DFFB: variants seen among roughly 807,000 people sequenced by gnomAD.
The protein encoded by DFFB is DNA fragmentation factor subunit beta, also known as DNA fragmentation factor 40 kDa subunit.
A neutral mutation model predicts 32.7 loss-of-function variants in DFFB; 29 were observed. The observed-to-expected ratio is 0.89, with a 90% CI of 0.66 to 1.21. DFFB has a LOEUF of 1.21. Among genes scored for constraint, DFFB ranks in the 50% most tolerant of loss-of-function variants. The pLI, the probability that DFFB is intolerant of heterozygous loss-of-function variation, is 0.00. For synonymous variants in DFFB, 170 were observed against 177.1 expected (o/e 0.96, Z 0.32); for missense variants, 398 against 440.6 (o/e 0.90, Z 0.87).
chr1:3,876,552 G>A (rs189674431), intron 6 of DFFB, among the ~76,000 whole-genome samples: 16 of 152,358 alleles, frequency 1.1e-4, no homozygotes, highest in Middle Eastern at 3.4e-3. Flanking sequence ...CTGTCCTGAC[G>A]TTTGTGGGGG....
rs184687474 is a variant in DFFB, at chr1:3,878,989, T to C, written c.783-4518T>C. ...TTCCACTCTTGAGTAATTATTTAGT[T>C]AGTACTGAATTCTAGGATGACAGAT... On this transcript the variant is annotated intron_variant, in intron 6 of 6. Coordinates refer to ENST00000378209, the MANE Select transcript of DFFB (RefSeq NM_004402.4). Among the ~76,000 whole-genome samples the C allele has an allele frequency of 6.0e-3, 920 of 152,348 alleles. 7 individuals are homozygous for C. Among genetic ancestry groups the C allele is most frequent in the African/African-American group, 0.021 (876 of 41,568 alleles).
At position 3,865,905 on chromosome 1, in the gene DFFB, C is replaced by A. The variant is rs746930748; in HGVS notation, c.335C>A (p.Ala112Asp). The change falls in exon 3 of 7, where the codon GCC (alanine) becomes GAC (aspartate). Residue 112 changes from alanine (A) to aspartate (D), a missense_variant. Coordinates refer to ENST00000378209, the MANE Select transcript of DFFB (RefSeq NM_004402.4). This position sits in a 1 kb window ranked among gnomAD's most constrained non-coding sequence, Gnocchi z 4.7. ...CAGCAGCTGCTGTGTGATGAGCAGG[C>A]CCCACAGAGGCAGAGGCTGCTGGCT... ...AAQQLLCDEQ[A>D]PQRQRLLADL... 45 of 1,613,094 alleles carry A rather than the reference C, an allele frequency of 2.8e-5. 1 individual carries two copies. The South Asian group carries it at 4.6e-4, about 17-fold the overall frequency.
intron 3 of DFFB, among the ~76,000 whole-genome samples, chr1:3,867,478 C>T (rs1236199711): frequency 6.6e-6 from 1 of 152,218 alleles, no homozygotes. Flanking sequence ...GGCAGAAGCT[C>T]CTTGGTGGTA....
chr1:3,870,777 G>T (rs1645096480), intron 5 of DFFB, among the ~76,000 whole-genome samples: 1 of 152,138 alleles, frequency 6.6e-6, no homozygotes, highest in East Asian at 1.9e-4. Flanking sequence ...CTGATAGGTG[G>T]GGGTGCAAGA....
At chr1:3,881,423 C>T (rs563877786) in intron 6 of DFFB, among the ~76,000 whole-genome samples, 3 of 152,222 alleles carry the variant, frequency 2.0e-5, no homozygotes, top group Admixed American at 6.5e-5. Context: ...GCAGGGGTCT[C>T]GGTCCCACCT....
intron 4 of DFFB, 118 bp downstream of exon 4, chr1:3,868,171 T>A: frequency 3.3e-6 from 3 of 908,034 alleles, no homozygotes; most frequent in Non-Finnish European, 5.5e-6. Flanking sequence ...CGTGCTTGCG[T>A]GGATCTGGTG....
At chr1:3,871,593 G>A (rs1306733968) in intron 5 of DFFB, among the ~76,000 whole-genome samples, 1 of 152,190 alleles carries the variant, frequency 6.6e-6, no homozygotes, top group Non-Finnish European at 1.5e-5. Context: ...CCCGGCCAAG[G>A]CAGAACTCTG....
chr1:3,879,250 T>C (rs1048224575), intron 6 of DFFB, among the ~76,000 whole-genome samples: 1 of 152,204 alleles, frequency 6.6e-6, no homozygotes, highest in Non-Finnish European at 1.5e-5. Flanking sequence ...GTTGATGAGG[T>C]GTGGCTTCTC....
At chr1:3,860,116 T>A (rs1644851318) in intron 2 of DFFB, among the ~76,000 whole-genome samples, 1 of 152,206 alleles carries the variant, frequency 6.6e-6, no homozygotes, top group Non-Finnish European at 1.5e-5. Flanking sequence ...AACATTGAGA[T>A]GGGGTCTCCC....
intron 5 of DFFB, among the ~76,000 whole-genome samples, chr1:3,872,101 C>T (rs189829861): frequency 2.0e-5 from 3 of 152,294 alleles, no homozygotes; most frequent in Admixed American, 1.3e-4. Context: ...GCATGTCACT[C>T]GGTGACTGAG....
Position 3,872,369 on chromosome 1 carries a change from G to C in DFFB, c.682-103G>C, listed in dbSNP as rs112792642. On this transcript the variant is annotated intron_variant, in intron 5 of 6. Coordinates refer to ENST00000378209, the MANE Select transcript of DFFB (RefSeq NM_004402.4). The stretch of plus-strand genomic sequence containing the variant: ...CGGAGGTTGTAGTAAGCCGAGATCG[G>C]GCCACTGCACTCCAGCCTGGCGACA... 10,529 of 799,056 alleles carry C rather than the reference G, an allele frequency of 0.013. 791 individuals are homozygous for C. The African/African-American group carries it at 0.16, about 12-fold the overall frequency. The allele number at this position is 799,056 out of a possible 1,614,324, so 49.5% of individuals were successfully genotyped here. A position where few individuals can be genotyped will look rare whatever the true frequency, so the allele number is the denominator to read the frequency against.
At chr1:3,868,876 C>T (rs555535165) in intron 4 of DFFB, among the ~76,000 whole-genome samples, 14 of 152,370 alleles carry the variant, frequency 9.2e-5, no homozygotes, top group Admixed American at 7.8e-4. Flanking sequence ...TGCACTGCAC[C>T]CCGTTTTTCT....
chr1:3,866,445 G>T (rs1041110356), intron 3 of DFFB: 1 of 226,754 alleles, frequency 4.4e-6, no homozygotes, highest in African/African-American at 2.4e-5. Context: ...TAGTAGAGAT[G>T]AGGTTTCGCC....
intron 2 of DFFB, among the ~76,000 whole-genome samples, chr1:3,860,109 A>G (rs1644850760): frequency 6.6e-6 from 1 of 152,130 alleles, no homozygotes; most frequent in Non-Finnish European, 1.5e-5. Context: ...TTATGAAAAC[A>G]TTGAGATGGG....
At chr1:3,866,263 G>A in intron 3 of DFFB, 1 of 547,102 alleles carries the variant, frequency 1.8e-6, no homozygotes, top group Non-Finnish European at 3.5e-6. Flanking sequence ...TTTTGAGATG[G>A]AGTCTTGCTC....
chr1:3,865,520 G>T lies in DFFB; in HGVS notation c.242-292G>T. ...GAAGGGCCAAAGTGGGGGGCGTATG[G>T]TTTGGAGGGGAGGAGGCCAAATGGG... On this transcript the variant is annotated intron_variant, in intron 2 of 6. Coordinates refer to ENST00000378209, the MANE Select transcript of DFFB (RefSeq NM_004402.4). The surrounding 1 kb of genome is among the most constrained non-coding windows in gnomAD (Gnocchi z 4.7). 1 of 555,086 alleles carries T rather than the reference G, an allele frequency of 1.8e-6. No homozygotes were observed. 34.4% of individuals were successfully genotyped at this position (555,086 alleles called of 1,614,324 possible).
At position 3,868,678 on chromosome 1, in the gene DFFB, C is replaced by CACCAA. The variant is rs1557716277; in HGVS notation, c.510+625_510+626insACCAA. On this transcript the variant is annotated intron_variant, in intron 4 of 6. Transcript: ENST00000378209. ...CACCAGGCCACACCACACCACACCA[C>CACCAA]GCCACACCACACCAGGCCACACCAC... 4.3e-3 allele frequency among the ~76,000 whole-genome samples: 50 copies of CACCAA among 11,664 alleles called. 1 individual carries two copies. The highest frequency in any genetic ancestry group is 5.8e-3 in the Non-Finnish European group (34 of 5,860). The allele number at this position is 11,664 out of a possible 152,430, so 7.7% of individuals were successfully genotyped here. A position where few individuals can be genotyped will look rare whatever the true frequency, so the allele number is the denominator to read the frequency against.
intron 2 of DFFB, 80 bp downstream of exon 2, chr1:3,858,924 A>C: frequency 6.4e-7 from 1 of 1,568,502 alleles, no homozygotes; most frequent in East Asian, 2.3e-5. Context: ...GGTGCCCATC[A>C]GGGTGGGGAA....
At chr1:3,862,762 C>A (rs964786980) in intron 2 of DFFB, among the ~76,000 whole-genome samples, 2 of 152,178 alleles carry the variant, frequency 1.3e-5, no homozygotes, top group Admixed American at 1.3e-4. Flanking sequence ...AGCGATAAGT[C>A]CTCATCGCCT....
Sources: gnomAD v4.1 joint callset for allele counts (sites outside exome capture counted in the v4.1 genomes callset) on GRCh38, gnomAD v4.1.1 for gene constraint, Gnocchi (gnomAD v3.1) non-coding constraint, MANE v1.5 for transcripts, NCBI Gene and HGNC (gene_info 2026-07-23, HGNC 2026-07-21) for gene names.